The following ARHGAP10 variants were observed in gnomAD, a reference collection of about 807,000 sequenced individuals.
ARHGAP10 encodes Rho GTPase activating protein 10.
ARHGAP10 carries 87 observed loss-of-function variants against 108.6 expected under a neutral mutation model. That is an observed-to-expected ratio of 0.80 (90% CI 0.67 to 0.96). The LOEUF (loss-of-function observed/expected upper bound fraction) is 0.96, where lower values mean the gene tolerates loss of function less well. Ranked by LOEUF, ARHGAP10 falls within the 40% of genes least tolerant of loss-of-function variation. The pLI, the probability that ARHGAP10 is intolerant of heterozygous loss-of-function variation, is 0.00. For synonymous variants in ARHGAP10, 347 were observed against 341.1 expected (o/e 1.02, Z -0.19); for missense variants, 939 against 954.5 (o/e 0.98, Z 0.21).
intron 10 of ARHGAP10, among the ~76,000 whole-genome samples, chr4:147,901,085 G>T (rs1275576505): frequency 6.6e-6 from 1 of 151,986 alleles, no homozygotes; most frequent in Non-Finnish European, 1.5e-5. Flanking sequence ...TTTATATTTT[G>T]GTTTAACAGT....
At chr4:148,017,651 A>AATATATATATAT (rs1741394122) in intron 18 of ARHGAP10, among the ~76,000 whole-genome samples, 1 of 73,372 alleles carries the variant, frequency 1.4e-5, no homozygotes, top group African/African-American at 8.9e-5. Context: ...TGAGCCAGTA[A>AATATATATATAT]CTATATATAT....
intron 1 of ARHGAP10, among the ~76,000 whole-genome samples, chr4:147,798,669 C>G (rs1159247272): frequency 6.6e-6 from 1 of 150,562 alleles, no homozygotes; most frequent in Non-Finnish European, 1.5e-5. Flanking sequence ...CGCCTGTAAT[C>G]CCAGCACTTT....
chr4:147,806,492 T>TG (rs970305794), intron 1 of ARHGAP10, among the ~76,000 whole-genome samples: 4 of 134,338 alleles, frequency 3.0e-5, no homozygotes, highest in Non-Finnish European at 3.2e-5. Context: ...TTTCTGTTTT[T>TG]GGGGGGGCGG....
At chr4:147,836,720 C>T (rs1733184545) in intron 3 of ARHGAP10, among the ~76,000 whole-genome samples, 2 of 152,102 alleles carry the variant, frequency 1.3e-5, no homozygotes, top group South Asian at 2.1e-4. Flanking sequence ...AATTGAATTT[C>T]GTTTTTACAT....
At chr4:147,921,873 C>T (rs1032206739) in intron 13 of ARHGAP10, among the ~76,000 whole-genome samples, 2 of 152,168 alleles carry the variant, frequency 1.3e-5, no homozygotes, top group Admixed American at 6.5e-5. Context: ...TTTACACCAC[C>T]TTTCCTCCAC....
chr4:147,796,776 T>C (rs1731335121), intron 1 of ARHGAP10, among the ~76,000 whole-genome samples: 1 of 152,146 alleles, frequency 6.6e-6, no homozygotes, highest in Non-Finnish European at 1.5e-5. Context: ...CCACCCGCCT[T>C]GGCCTCTTAA....
chr4:147,893,264 G>A (rs1383747190), intron 10 of ARHGAP10, among the ~76,000 whole-genome samples: 1 of 151,676 alleles, frequency 6.6e-6, no homozygotes, highest in Non-Finnish European at 1.5e-5. Flanking sequence ...CACCTTGTTG[G>A]TCAGGCTGGT....
intron 18 of ARHGAP10, among the ~76,000 whole-genome samples, chr4:147,997,897 A>T (rs1740541199): frequency 6.6e-6 from 1 of 152,190 alleles, no homozygotes; most frequent in Admixed American, 6.5e-5. Flanking sequence ...AGTAATAAGG[A>T]ATTTTTAAAA....
At chr4:147,969,860 A>G (rs887971717) in intron 18 of ARHGAP10, among the ~76,000 whole-genome samples, 1 of 152,208 alleles carries the variant, frequency 6.6e-6, no homozygotes, top group African/African-American at 2.4e-5. Context: ...AGATAGTTCT[A>G]TGAATGCACA....
chr4:147,828,574 T>G (rs1335700118), intron 3 of ARHGAP10, among the ~76,000 whole-genome samples: 1 of 152,218 alleles, frequency 6.6e-6, no homozygotes, highest in African/African-American at 2.4e-5. Context: ...ATCAAGTGAT[T>G]GAGAAATTCA....
At chr4:148,041,746 A>G (rs1484069734) in intron 19 of ARHGAP10, among the ~76,000 whole-genome samples, 1 of 152,214 alleles carries the variant, frequency 6.6e-6, no homozygotes, top group Non-Finnish European at 1.5e-5. Context: ...GCTATCACCA[A>G]AGACATGTCC....
At chr4:147,948,479 A>G (rs1240064233) in intron 15 of ARHGAP10, among the ~76,000 whole-genome samples, 1 of 152,126 alleles carries the variant, frequency 6.6e-6, no homozygotes, top group Non-Finnish European at 1.5e-5. Flanking sequence ...TTTTAAGGCT[A>G]TTTTAATCTC....
At chr4:148,007,859 C>A (rs1228867274) in intron 18 of ARHGAP10, among the ~76,000 whole-genome samples, 5 of 152,126 alleles carry the variant, frequency 3.3e-5, no homozygotes, top group Non-Finnish European at 7.4e-5. Context: ...CTAGTTCCTT[C>A]AGTTGCATGA....
At chr4:147,846,537 A>G (rs1733640779) in intron 3 of ARHGAP10, among the ~76,000 whole-genome samples, 1 of 152,212 alleles carries the variant, frequency 6.6e-6, no homozygotes, top group South Asian at 2.1e-4. Flanking sequence ...ACATAAAAAG[A>G]AAATGTGGTT....
intron 1 of ARHGAP10, among the ~76,000 whole-genome samples, chr4:147,753,057 A>G (rs1245216545): frequency 6.6e-6 from 1 of 152,246 alleles, no homozygotes. Flanking sequence ...GTCCAAAGTC[A>G]TATGGCAAAG....
At chr4:147,874,456 AT>A (rs144743920) in intron 7 of ARHGAP10, among the ~76,000 whole-genome samples, 38 of 151,994 alleles carry the variant, frequency 2.5e-4, no homozygotes, top group South Asian at 1.5e-3. Context: ...TGTAGGTGAG[AT>A]TTTTTTTCCC....
At chr4:147,892,595 AG>A (rs1402879674) in intron 10 of ARHGAP10, among the ~76,000 whole-genome samples, 4 of 150,096 alleles carry the variant, frequency 2.7e-5, no homozygotes, top group African/African-American at 9.8e-5. Flanking sequence ...GTTGGCTGGG[AG>A]TGTGGGGTTG....
At chr4:148,071,500 C>T (rs1730176261) in intron 22 of ARHGAP10, among the ~76,000 whole-genome samples, 1 of 152,188 alleles carries the variant, frequency 6.6e-6, no homozygotes, top group East Asian at 1.9e-4. Context: ...CCTGTAATCC[C>T]AGCTACTCAG....
At chr4:148,024,138 A>G (rs1317423802) in intron 19 of ARHGAP10, among the ~76,000 whole-genome samples, 1 of 152,206 alleles carries the variant, frequency 6.6e-6, no homozygotes, top group East Asian at 1.9e-4. Context: ...CTAATTTGTA[A>G]TCATATGGTT....
Sources: gnomAD v4.1 joint callset for allele counts (sites outside exome capture counted in the v4.1 genomes callset) on GRCh38, gnomAD v4.1.1 for gene constraint, MANE v1.5 for transcripts, NCBI Gene and HGNC (gene_info 2026-07-23, HGNC 2026-07-21) for gene names.